The following GLG1 variants were observed in gnomAD, a reference collection of about 807,000 sequenced individuals.
GLG1 encodes the protein golgi glycoprotein 1.
A neutral mutation model predicts 160.5 loss-of-function variants in GLG1; 38 were observed. The observed-to-expected ratio is 0.24, with a 90% confidence interval of 0.18 to 0.31. The LOEUF (loss-of-function observed/expected upper bound fraction) is 0.31. Among genes scored for constraint, GLG1 ranks in the 10% least tolerant of loss-of-function variants. The pLI is 1.00. For missense variants in GLG1, 1,373 were observed against 1,505.2 expected (o/e 0.91, Z 1.45); for synonymous variants, 644 against 543.4 (o/e 1.19, Z -2.57).
At chr16:74,564,393 A>G (rs771211646) in intron 1 of GLG1, among the ~76,000 whole-genome samples, 1 of 152,220 alleles carries the variant, frequency 6.6e-6, no homozygotes, top group Non-Finnish European at 1.5e-5. Context: ...GCTAAGGAGC[A>G]TACTCCAAAC....
At chr16:74,471,949 G>C (rs573310866) in intron 14 of GLG1, among the ~76,000 whole-genome samples, 1 of 151,738 alleles carries the variant, frequency 6.6e-6, no homozygotes, top group African/African-American at 2.4e-5. Context: ...CTGTTGCTTA[G>C]GCTGGAGTGC....
Position 74,462,582 on chromosome 16 carries a change from G to C in GLG1, c.2840C>G (p.Pro947Arg), listed in dbSNP as rs1221101437. ...MLRKACKADI[P>R]KFCHGILTKA... ...AGTCAGGATACCGTGACAGAATTTAGGAATGTCAGCTTTACAGGCTTTTCT... is the reference window on the plus strand; with the variant it reads ...AGTCAGGATACCGTGACAGAATTTACGAATGTCAGCTTTACAGGCTTTTCT... Residue 947 changes from proline (P) to arginine (R), a missense_variant, in exon 21 of 26, where the codon CCT becomes CGT. Transcript: ENST00000422840. 6.2e-7 allele frequency: 1 copy of C among 1,613,740 alleles called. No individual in the cohort carries two copies. The highest frequency in any genetic ancestry group is 2.2e-5 in the East Asian group (1 of 44,892).
chr16:74,586,412 G>A (rs1958053887), intron 1 of GLG1, among the ~76,000 whole-genome samples: 1 of 152,150 alleles, frequency 6.6e-6, no homozygotes, highest in South Asian at 2.1e-4. Flanking sequence ...TACAAGACAA[G>A]TTGACCACCT....
Position 74,457,869 on chromosome 16 carries a change from C to G in GLG1, c.3265+5G>C. On this transcript the variant is annotated splice_donor_5th_base_variant and intron_variant, in intron 24 of 25. Coordinates refer to ENST00000422840, the MANE Select transcript of GLG1 (RefSeq NM_001145667.2). ...ACAGGATCAAGAGTGAACACAGAGA[C>G]TTACGACGCCCGCGGCCAGGGGTGA... 6.2e-7 allele frequency: 1 copy of G among 1,613,754 alleles called. No homozygotes were observed.
chr16:74,509,634 G>C (rs2016736696), intron 2 of GLG1, among the ~76,000 whole-genome samples: 1 of 151,880 alleles, frequency 6.6e-6, no homozygotes, highest in African/African-American at 2.4e-5. Flanking sequence ...CGGATCACGA[G>C]GTCAGGAGAT....
At chr16:74,476,890 G>A (rs2015405162) in intron 12 of GLG1, among the ~76,000 whole-genome samples, 1 of 152,162 alleles carries the variant, frequency 6.6e-6, no homozygotes, top group African/African-American at 2.4e-5. Context: ...CTGTTCTAGG[G>A]CATGCCCACT....
In GLG1 at chr16:74,503,521, T is replaced by A. The variant is rs375871362; in HGVS notation, c.774+10A>T. On this transcript the variant is annotated intron_variant, in intron 4 of 25. Transcript: ENST00000422840. The stretch of plus-strand genomic sequence containing the variant: ...GACCCCTTTGTTGAAGCTAACGTAG[T>A]ATTAGATACCTTTTCTCCAAGCCGA... 3.8e-6 allele frequency: 6 copies of A among 1,559,960 alleles called. No individual in the cohort carries two copies. In the African/African-American group the frequency reaches 8.1e-5, roughly 21 times the overall value.
intron 1 of GLG1, among the ~76,000 whole-genome samples, chr16:74,536,166 T>C (rs1211481195): frequency 7.9e-5 from 12 of 152,242 alleles, no homozygotes; most frequent in African/African-American, 2.9e-4. Flanking sequence ...TTGGTTCTCA[T>C]ACTGCACCAT....
chr16:74,532,005 T>C (rs552459081), intron 2 of GLG1, 116 bp downstream of exon 2: 46 of 465,534 alleles, frequency 9.9e-5, no homozygotes, highest in African/African-American at 9.2e-4. Context: ...GTCATCCTTT[T>C]AAGATTAAGA....
At chr16:74,595,752 T>G (rs375421677) in intron 1 of GLG1, among the ~76,000 whole-genome samples, 100 of 152,346 alleles carry the variant, frequency 6.6e-4, no homozygotes, top group African/African-American at 2.4e-3. Context: ...TAGTCATTTA[T>G]TTTTAAAAAG....
At chr16:74,570,252 T>A (rs2018788861) in intron 1 of GLG1, among the ~76,000 whole-genome samples, 1 of 152,186 alleles carries the variant, frequency 6.6e-6, no homozygotes, top group African/African-American at 2.4e-5. Flanking sequence ...TCCAGCTGTC[T>A]AATAAACTTT....
At chr16:74,544,459 T>TG (rs1480010800) in intron 1 of GLG1, among the ~76,000 whole-genome samples, 3 of 152,168 alleles carry the variant, frequency 2.0e-5, no homozygotes, top group Non-Finnish European at 4.4e-5. Flanking sequence ...CATGCAGGCG[T>TG]GGTGGCATGT....
chr16:74,486,503 A>G (rs28539073), intron 8 of GLG1, among the ~76,000 whole-genome samples: 3,187 of 152,314 alleles, frequency 0.021, 96 homozygotes, highest in African/African-American at 0.073. Context: ...CAAGAGGTAA[A>G]CCAGAGCTTG....
chr16:74,566,947 G>C (rs927278291), intron 1 of GLG1, among the ~76,000 whole-genome samples: 2 of 152,110 alleles, frequency 1.3e-5, no homozygotes, highest in Non-Finnish European at 2.9e-5. Context: ...TGAATGAAAA[G>C]TATATATAGT....
intron 1 of GLG1, among the ~76,000 whole-genome samples, chr16:74,588,925 CT>C (rs869259739): frequency 2.0e-3 from 296 of 144,618 alleles, no homozygotes; most frequent in Admixed American, 2.1e-3. Flanking sequence ...GACCAATATC[CT>C]TTTTTTTTTT....
intron 1 of GLG1, among the ~76,000 whole-genome samples, chr16:74,583,737 A>T (rs1302721505): frequency 6.6e-6 from 1 of 152,000 alleles, no homozygotes; most frequent in Non-Finnish European, 1.5e-5. Flanking sequence ...CTCAATCATC[A>T]TCTTCTCAGG....
intron 1 of GLG1, among the ~76,000 whole-genome samples, chr16:74,548,432 A>G (rs1597335425): frequency 6.6e-6 from 1 of 152,200 alleles, no homozygotes; most frequent in East Asian, 1.9e-4. Context: ...CAGTCCAGAC[A>G]CTTATATTTA....
At chr16:74,578,572 G>C (rs1957866351) in intron 1 of GLG1, among the ~76,000 whole-genome samples, 1 of 152,214 alleles carries the variant, frequency 6.6e-6, no homozygotes, top group Admixed American at 6.5e-5. Context: ...AACTAAGACT[G>C]ACTGTAGTCC....
intron 6 of GLG1, among the ~76,000 whole-genome samples, chr16:74,494,106 C>A (rs2016097702): frequency 6.6e-6 from 1 of 151,496 alleles, no homozygotes; most frequent in Admixed American, 6.6e-5. Context: ...ACCCGGCAGG[C>A]AGAGGCTACA....
Sources: allele counts gnomAD v4.1 joint callset (sites outside exome capture counted in the v4.1 genomes callset), GRCh38; gene constraint gnomAD v4.1.1; transcripts MANE v1.5; gene names NCBI Gene and HGNC (gene_info 2026-07-23, HGNC 2026-07-21).